Variants in PROCR observed in about 807,000 individuals in gnomAD.
PROCR encodes endothelial protein C receptor.
In PROCR, 22 loss-of-function variants were observed where a neutral mutation model predicts 24.2. That is an observed-to-expected ratio of 0.91 (90% CI 0.65 to 1.30). The LOEUF (loss-of-function observed/expected upper bound fraction) is 1.30, where lower values mean the gene tolerates loss of function less well. Ranked by LOEUF, PROCR falls within the 50% of genes most tolerant of loss-of-function variation. The probability of loss-of-function intolerance (pLI) is 0.00; values close to 1 mark genes in which losing one functional copy is unlikely to be tolerated. For missense variants in PROCR, 288 were observed against 307.7 expected, an observed-to-expected ratio of 0.94 and a Z score of 0.48; for synonymous variants, 137 against 139.2, an observed-to-expected ratio of 0.98 and a Z score of 0.11.
At chr20:35,215,528 C>G (rs191868698) in intron 1 of PROCR, among the ~76,000 whole-genome samples, 1 of 151,460 alleles carries the variant, frequency 6.6e-6, no homozygotes, top group Non-Finnish European at 1.5e-5. Context: ...AAGACGGCCT[C>G]ACTTGCCCCA....
intron 1 of PROCR, among the ~76,000 whole-genome samples, chr20:35,204,307 G>A (rs1156320170): frequency 6.6e-6 from 1 of 152,044 alleles, no homozygotes; most frequent in Admixed American, 6.5e-5. Context: ...ATGTAGAGAA[G>A]AAAACTCCAG....
chr20:35,208,414 C>T (rs1027533237), intron 1 of PROCR, among the ~76,000 whole-genome samples: 1 of 152,180 alleles, frequency 6.6e-6, no homozygotes, highest in Non-Finnish European at 1.5e-5. Context: ...TGCAGTGAAG[C>T]CCTTTTACAT....
downstream of PROCR, among the ~76,000 whole-genome samples, chr20:35,180,843 TGTTGTTTGTTTTTTGTTTTTTG>T (rs1858014484): frequency 1.3e-5 from 2 of 150,426 alleles, no homozygotes; most frequent in Admixed American, 6.6e-5. Flanking sequence ...CGTTTTTTGT[TGTTGTTTGTTTTTTGTTTTTTG>T]TTTTGTTTTG....
At chr20:35,171,947 G>T, upstream of PROCR, 1 of 627,032 alleles carries the variant, frequency 1.6e-6, no homozygotes, top group Non-Finnish European at 2.9e-6. Flanking sequence ...GCAGGAGGGA[G>T]GCCGGCCCCC....
intron 1 of PROCR, among the ~76,000 whole-genome samples, chr20:35,206,032 A>T (rs961980960): frequency 4.5e-4 from 68 of 150,532 alleles, no homozygotes; most frequent in East Asian, 2.2e-3. Flanking sequence ...TTTTTAAAAA[A>T]TTTTATTTTA....
intron 1 of PROCR, among the ~76,000 whole-genome samples, chr20:35,205,506 C>G (rs1370180688): frequency 1.3e-5 from 2 of 149,502 alleles, no homozygotes. Flanking sequence ...AATCCCAGCA[C>G]TTTGGGAGGC....
rs1600733592 is a variant in PROCR at position 35,174,973 on chromosome 20, G to A, written c.322+20G>A. 2 of 1,481,686 alleles carry A rather than the reference G, an allele frequency of 1.3e-6. No homozygotes were observed. Among genetic ancestry groups the A allele is most frequent in the African/African-American group, 1.4e-5 (1 of 70,334 alleles). The allele number at this position is 1,481,686 out of a possible 1,614,324, so 91.8% of individuals were successfully genotyped here. A position where few individuals can be genotyped will look rare whatever the true frequency, so the allele number is the denominator to read the frequency against. On this transcript the variant is annotated intron_variant, in intron 2 of 3. Coordinates refer to ENST00000216968, the MANE Select transcript of PROCR (RefSeq NM_006404.5). Reference sequence around the variant, plus strand: ...TGGCCTGTGAGTAGGCGCGCAGCGGGGGCGGGGTCTGGGCGGGGCTAGTGG... The same window carrying A: ...TGGCCTGTGAGTAGGCGCGCAGCGGAGGCGGGGTCTGGGCGGGGCTAGTGG...
chr20:35,176,515 G>A, intron 3 of PROCR, 69 bp downstream of exon 3: 1 of 1,603,726 alleles, frequency 6.2e-7, no homozygotes, highest in South Asian at 1.1e-5. Context: ...GGATGGACCT[G>A]AAGGATGGAT....
intron 1 of PROCR, chr20:35,174,429 G>A: frequency 1.9e-6 from 1 of 513,792 alleles, no homozygotes; most frequent in Non-Finnish European, 3.6e-6. Flanking sequence ...ACGGGGGGAG[G>A]GAGAGCCGAG....
Position 35,177,354 on chromosome 20 carries a change from T to C in PROCR, c.*541T>C. The stretch of plus-strand genomic sequence containing the variant: ...TAATAATATTAATAAATTTCTTATA[T>C]TTAAGGCATTGTTATCTCCTCCACT... On this transcript the variant is annotated 3_prime_UTR_variant, in exon 4 of 4. Coordinates refer to ENST00000216968, the MANE Select transcript of PROCR (RefSeq NM_006404.5). The C allele has an allele frequency of 1.0e-6, 1 of 981,538 alleles. No homozygotes were observed. The highest frequency in any genetic ancestry group is 1.2e-6 in the Non-Finnish European group (1 of 826,504). 60.8% of individuals were successfully genotyped at this position (981,538 alleles called of 1,614,324 possible).
intron 1 of PROCR, among the ~76,000 whole-genome samples, chr20:35,200,068 G>T (rs2060313042): frequency 6.6e-6 from 1 of 152,188 alleles, no homozygotes; most frequent in South Asian, 2.1e-4. Context: ...GTAATCTCAT[G>T]ATAAGACTTT....
intron 1 of PROCR, among the ~76,000 whole-genome samples, chr20:35,214,214 A>G (rs892814558): frequency 2.0e-5 from 3 of 152,218 alleles, no homozygotes; most frequent in Non-Finnish European, 4.4e-5. Context: ...TCCCTATTTT[A>G]TGTGTAAATG....
rs755677492 is a variant in PROCR at position 35,172,112 on chromosome 20, C to T, written c.-43C>T. 1.9e-6 allele frequency: 3 copies of T among 1,601,540 alleles called. No individual in the cohort carries two copies. The South Asian group carries it at 3.3e-5, about 18-fold the overall frequency. On this transcript the variant is annotated 5_prime_UTR_variant, in exon 1 of 4. Coordinates refer to ENST00000216968, the MANE Select transcript of PROCR (RefSeq NM_006404.5). ...AGACTGCAGCCAGCGGAGCCCGCAG[C>T]CGGCCCGAGCCAGGAACCCAGGTCC...
chr20:35,212,741 C>T (rs1047961008), intron 1 of PROCR, among the ~76,000 whole-genome samples: 1 of 152,104 alleles, frequency 6.6e-6, no homozygotes, highest in Non-Finnish European at 1.5e-5. Flanking sequence ...GTGTTTGCAC[C>T]TATGCAAGGA....
intron 1 of PROCR, among the ~76,000 whole-genome samples, chr20:35,189,785 G>C (rs2086158128): frequency 6.6e-6 from 1 of 152,094 alleles, no homozygotes. Flanking sequence ...TGAAATATCG[G>C]GGGCTGGTTC....
At position 35,206,209 on chromosome 20, in the gene PROCR, T is replaced by C. The variant is rs371796579; in HGVS notation, c.95-9684T>C. ...AGAACCCTCAGTAGGGCGCAGTGCCTCATGCCTGTAATCCCAGCACTTTGG... is the reference window on the plus strand; with the variant it reads ...AGAACCCTCAGTAGGGCGCAGTGCCCCATGCCTGTAATCCCAGCACTTTGG... On this transcript the variant is annotated intron_variant, in intron 1 of 1. Transcript: ENST00000634509. Among the ~76,000 whole-genome samples, 50 of 151,550 alleles carry C rather than the reference T, an allele frequency of 3.3e-4. No homozygotes were observed. In the South Asian group the frequency reaches 4.6e-3, roughly 14 times the overall value.
intron 1 of PROCR, among the ~76,000 whole-genome samples, chr20:35,198,010 C>T (rs959940761): frequency 4.7e-5 from 7 of 150,260 alleles, no homozygotes; most frequent in Non-Finnish European, 7.4e-5. Context: ...TAAGGCCAGG[C>T]GCGGTGGCTC....
chr20:35,214,017 G>T (rs1191269353), intron 1 of PROCR, among the ~76,000 whole-genome samples: 1 of 152,058 alleles, frequency 6.6e-6, no homozygotes, highest in Non-Finnish European at 1.5e-5. Context: ...AGAGGTTTCG[G>T]TGAGCCGAGA....
intron 1 of PROCR, among the ~76,000 whole-genome samples, chr20:35,191,605 T>C (rs939323643): frequency 6.6e-6 from 1 of 152,022 alleles, no homozygotes; most frequent in Admixed American, 6.6e-5. Flanking sequence ...AGCAGAGATA[T>C]GAAGGAAGTG....
Sources: allele counts gnomAD v4.1 joint callset (sites outside exome capture counted in the v4.1 genomes callset), GRCh38; gene constraint gnomAD v4.1.1; transcripts MANE v1.5; gene names NCBI Gene and HGNC (gene_info 2026-07-23, HGNC 2026-07-21).